The following TAFA5 variants were observed in gnomAD, a reference collection of about 807,000 sequenced individuals.
TAFA5 encodes chemokine-like protein TAFA-5.
A neutral mutation model predicts 15.3 loss-of-function variants in TAFA5; 6 were observed. The observed-to-expected ratio is 0.39, with a 90% CI of 0.21 to 0.77. The LOEUF (loss-of-function observed/expected upper bound fraction) is 0.77, where lower values mean the gene tolerates loss of function less well. TAFA5 is among the 30% of genes least tolerant of loss of function. TAFA5 has a pLI of 0.41. For synonymous variants in TAFA5, 103 were observed against 80.7 expected, an observed-to-expected ratio of 1.28 and a Z score of -1.48; for missense variants, 161 against 193.1, an observed-to-expected ratio of 0.83 and a Z score of 0.98.
rs190313878 is a variant in TAFA5, at chr22:48,500,183, G to A, written c.112+10479G>A. ...GATAAAAACGGAGGTGACGCGGCAG[G>A]GTTGTACAGTTCTGTATCAGCGATC... On this transcript the variant is annotated intron_variant, in intron 1 of 3. Transcript: ENST00000402357. 1.5e-3 allele frequency among the ~76,000 whole-genome samples: 221 copies of A among 152,214 alleles called. 1 individual carries two copies. The highest frequency in any genetic ancestry group is 2.5e-3 in the Non-Finnish European group (172 of 68,014).
intron 1 of TAFA5, among the ~76,000 whole-genome samples, chr22:48,491,270 C>T (rs2147090319): frequency 6.6e-6 from 1 of 152,260 alleles, no homozygotes; most frequent in African/African-American, 2.4e-5. Flanking sequence ...CCTAGAAGAT[C>T]CCCAAGCAAG....
chr22:48,742,506 C>T lies in TAFA5; in HGVS notation c.391-7333C>T, dbSNP rs534264015. Among the ~76,000 whole-genome samples the T allele has an allele frequency of 5.3e-5, 8 of 151,640 alleles. No individual in the cohort carries two copies. Among genetic ancestry groups the T allele is most frequent in the East Asian group, 3.9e-4 (2 of 5,116 alleles). On this transcript the variant is annotated intron_variant, in intron 3 of 3. Transcript: ENST00000402357. This position sits in a 1 kb window ranked among gnomAD's most constrained non-coding sequence, Gnocchi z 6.2. ...AGTGGAGCGGGCGTTGTGGTGGACC[C>T]GGTGGCGTGGCAGACCAGGCGACGT... is the stretch of plus-strand genomic sequence containing the variant.
chr22:48,510,803 G>A (rs577814160), intron 1 of TAFA5, among the ~76,000 whole-genome samples: 1 of 152,260 alleles, frequency 6.6e-6, no homozygotes, highest in African/African-American at 2.4e-5. Flanking sequence ...TGAGGCCTGC[G>A]TTCCTGCTGT....
intron 1 of TAFA5, among the ~76,000 whole-genome samples, chr22:48,555,526 C>G (rs1923005012): frequency 6.6e-6 from 1 of 152,154 alleles, no homozygotes; most frequent in South Asian, 2.1e-4. Flanking sequence ...TTCAGAAGTG[C>G]GGATCTTTAT....
intron 2 of TAFA5, among the ~76,000 whole-genome samples, chr22:48,652,182 C>G (rs144790720): frequency 4.6e-5 from 7 of 152,344 alleles, no homozygotes; most frequent in African/African-American, 1.7e-4. Flanking sequence ...ACTAGGGTGA[C>G]GGGAATTTTC....
At chr22:48,600,498 GTA>G (rs1174647553) in intron 1 of TAFA5, among the ~76,000 whole-genome samples, 1 of 152,208 alleles carries the variant, frequency 6.6e-6, no homozygotes, top group Non-Finnish European at 1.5e-5. Flanking sequence ...TGTGCAGTGT[GTA>G]TGTGTAGGCA....
At chr22:48,596,246 C>G (rs1924759459) in intron 1 of TAFA5, among the ~76,000 whole-genome samples, 1 of 152,200 alleles carries the variant, frequency 6.6e-6, no homozygotes, top group African/African-American at 2.4e-5. Context: ...AGAGACGCGG[C>G]CTTCTGGGGC....
rs142114822 is a variant in TAFA5 at position 48,525,787 on chromosome 22, G to C, written c.112+36083G>C. On this transcript the variant is annotated intron_variant, in intron 1 of 3. Transcript: ENST00000402357. Reference sequence around the variant, plus strand: ...TCCAGGCCCCTGCAGAGGCACGGTGGTGTGCACGGCTCATTCTCGCCTTAC... The same window carrying C: ...TCCAGGCCCCTGCAGAGGCACGGTGCTGTGCACGGCTCATTCTCGCCTTAC... Among the ~76,000 whole-genome samples the C allele has an allele frequency of 2.2e-3, 340 of 152,288 alleles. 1 individual carries two copies. Among genetic ancestry groups the C allele is most frequent in the African/African-American group, 7.8e-3 (325 of 41,566 alleles).
At chr22:48,705,495 C>T (rs2147249624) in intron 2 of TAFA5, among the ~76,000 whole-genome samples, 1 of 152,338 alleles carries the variant, frequency 6.6e-6, no homozygotes, top group East Asian at 1.9e-4. Context: ...ACCCCAGGGC[C>T]TGTGCCCTCG....
intron 1 of TAFA5, among the ~76,000 whole-genome samples, chr22:48,507,270 G>A (rs987633480): frequency 8.6e-6 from 1 of 116,886 alleles, no homozygotes; most frequent in Non-Finnish European, 1.8e-5. Context: ...GGAGGAGAAG[G>A]AGACAGTCAT....
chr22:48,612,321 G>A (rs1053338452), intron 1 of TAFA5, among the ~76,000 whole-genome samples: 1 of 152,216 alleles, frequency 6.6e-6, no homozygotes, highest in African/African-American at 2.4e-5. Context: ...ATCAAGGCGA[G>A]CCTGTGAGAT....
At chr22:48,697,212 T>G (rs926477265) in intron 2 of TAFA5, among the ~76,000 whole-genome samples, 4 of 152,128 alleles carry the variant, frequency 2.6e-5, no homozygotes, top group African/African-American at 9.7e-5. Flanking sequence ...ATACCTGAAA[T>G]GAGCTAAGGA....
intron 3 of TAFA5, among the ~76,000 whole-genome samples, chr22:48,710,758 A>G (rs971377194): frequency 6.6e-6 from 1 of 152,208 alleles, no homozygotes; most frequent in Non-Finnish European, 1.5e-5. Context: ...GGCTTTGGGA[A>G]CAATAGCTGC....
At chr22:48,735,914 A>G (rs1930000836) in intron 3 of TAFA5, among the ~76,000 whole-genome samples, 2 of 144,254 alleles carry the variant, frequency 1.4e-5, no homozygotes, top group Non-Finnish European at 3.0e-5. Context: ...TCCAGAGTCC[A>G]TCCCCCCAGG....
At chr22:48,693,067 C>T (rs1928592623) in intron 2 of TAFA5, among the ~76,000 whole-genome samples, 1 of 152,250 alleles carries the variant, frequency 6.6e-6, no homozygotes, top group Non-Finnish European at 1.5e-5. Flanking sequence ...TTACTCAGGC[C>T]CAAGGCCGTT....
intron 3 of TAFA5, among the ~76,000 whole-genome samples, chr22:48,743,224 C>T (rs566598620): frequency 1.3e-5 from 2 of 150,322 alleles, no homozygotes; most frequent in Admixed American, 6.6e-5. Flanking sequence ...TCTTCCGGTT[C>T]GGGGGTCCAG....
chr22:48,713,250 G>T (rs929659813), intron 3 of TAFA5, among the ~76,000 whole-genome samples: 4 of 152,198 alleles, frequency 2.6e-5, no homozygotes, highest in African/African-American at 9.6e-5. Context: ...AAGCCCATTT[G>T]CCCAACGTGA....
chr22:48,578,723 G>A (rs984841495), intron 1 of TAFA5, among the ~76,000 whole-genome samples: 1 of 152,216 alleles, frequency 6.6e-6, no homozygotes, highest in African/African-American at 2.4e-5. Context: ...TCACCACCCT[G>A]GGTTGAGCCC....
At chr22:48,491,379 GGAGA>G (rs1158855172) in intron 1 of TAFA5, among the ~76,000 whole-genome samples, 2 of 152,126 alleles carry the variant, frequency 1.3e-5, no homozygotes, top group African/African-American at 2.4e-5. Flanking sequence ...CCAGAGGAGA[GGAGA>G]GAGAGGAGAG....
Sources: allele counts gnomAD v4.1 joint callset (sites outside exome capture counted in the v4.1 genomes callset), GRCh38; gene constraint gnomAD v4.1.1; non-coding constraint Gnocchi (gnomAD v3.1); transcripts MANE v1.5; gene names NCBI Gene and HGNC (gene_info 2026-07-23, HGNC 2026-07-21).